MAP7: variants seen among roughly 807,000 people sequenced by gnomAD.
MAP7 encodes the protein ensconsin.
MAP7 carries 52 observed loss-of-function variants against 94.8 expected under a neutral mutation model. The ratio of observed to expected loss-of-function variants is 0.55; its 90% CI spans 0.44 to 0.69. MAP7 has a LOEUF of 0.69. Among genes scored for constraint, MAP7 ranks in the 30% least tolerant of loss-of-function variants. MAP7 has a pLI of 0.00. For synonymous variants in MAP7, 350 were observed against 357.0 expected (o/e 0.98, Z 0.22); for missense variants, 940 against 964.6 (o/e 0.97, Z 0.34).
At chr6:136,459,758 C>T (rs1241283109) in intron 1 of MAP7, among the ~76,000 whole-genome samples, 1 of 151,958 alleles carries the variant, frequency 6.6e-6, no homozygotes, top group Non-Finnish European at 1.5e-5. Flanking sequence ...GGAGAAAATG[C>T]GGAGTTGCTA....
At chr6:136,483,088 T>C (rs1276326661) in intron 1 of MAP7, among the ~76,000 whole-genome samples, 1 of 144,750 alleles carries the variant, frequency 6.9e-6, no homozygotes, top group Non-Finnish European at 1.5e-5. Flanking sequence ...TATATATTTG[T>C]GACCATGCTA....
At chr6:136,498,851 G>A (rs555652373) in intron 1 of MAP7, among the ~76,000 whole-genome samples, 3 of 152,030 alleles carry the variant, frequency 2.0e-5, no homozygotes, top group Admixed American at 1.3e-4. Context: ...AGTAGAAAAG[G>A]CTTCAGTTTG....
chr6:136,477,438 A>T (rs2128955047), intron 1 of MAP7, among the ~76,000 whole-genome samples: 1 of 152,358 alleles, frequency 6.6e-6, no homozygotes, highest in Non-Finnish European at 1.5e-5. Flanking sequence ...TAGAAAAGAT[A>T]TTGGGACAAA....
chr6:136,368,974 G>A (rs1465181062), intron 8 of MAP7, among the ~76,000 whole-genome samples: 2 of 152,140 alleles, frequency 1.3e-5, no homozygotes, highest in African/African-American at 2.4e-5. Context: ...AAAGAACAAA[G>A]TTGGAATTCT....
intron 1 of MAP7, among the ~76,000 whole-genome samples, chr6:136,460,193 T>C (rs183378998): frequency 4.3e-4 from 65 of 152,278 alleles, no homozygotes; most frequent in African/African-American, 1.5e-3. Context: ...CTTCCATGGA[T>C]TTGTATCTAA....
intron 5 of MAP7, among the ~76,000 whole-genome samples, chr6:136,384,560 T>C (rs905707514): frequency 1.3e-5 from 2 of 151,902 alleles, no homozygotes; most frequent in Non-Finnish European, 2.9e-5. Flanking sequence ...CATAGCTCAC[T>C]GCAGCCTCGA....
chr6:136,465,487 C>A (rs998653340), intron 1 of MAP7, among the ~76,000 whole-genome samples: 2 of 152,070 alleles, frequency 1.3e-5, no homozygotes, highest in Non-Finnish European at 2.9e-5. Flanking sequence ...AAGAAAGATA[C>A]GTCTCCATAA....
intron 11 of MAP7, 88 bp downstream of exon 11, chr6:136,362,362 G>GTA: frequency 1.3e-6 from 2 of 1,504,028 alleles, no homozygotes; most frequent in Non-Finnish European, 1.8e-6. Context: ...ACTTTCATCA[G>GTA]TATTATCACC....
intron 1 of MAP7, among the ~76,000 whole-genome samples, chr6:136,454,442 G>A (rs1409971079): frequency 6.6e-6 from 1 of 151,984 alleles, no homozygotes; most frequent in Non-Finnish European, 1.5e-5. Flanking sequence ...AAGTAACTGG[G>A]ACTACAGGCA....
intron 1 of MAP7, among the ~76,000 whole-genome samples, chr6:136,515,856 G>A (rs1226291667): frequency 6.6e-6 from 1 of 152,188 alleles, no homozygotes. Flanking sequence ...GTAGGCACAT[G>A]CTATTGGAAA....
At chr6:136,365,714 C>G in intron 10 of MAP7, 21 bp downstream of exon 10, 3 of 1,608,728 alleles carry the variant, frequency 1.9e-6, no homozygotes, top group Non-Finnish European at 2.6e-6. Context: ...GCACCCAGAC[C>G]ACAGGTGAGT....
intron 1 of MAP7, chr6:136,526,277 GCACACACACA>G (rs61514681): frequency 1.3e-5 from 12 of 936,308 alleles, no homozygotes; most frequent in Non-Finnish European, 1.6e-5. Flanking sequence ...ACACGCGCGC[GCACACACACA>G]CACACACACA....
chr6:136,360,767 G>C lies in MAP7; in HGVS notation c.1733C>G (p.Ala578Gly), dbSNP rs1191630966. Residue 578 changes from alanine to glycine, a missense_variant, in exon 13 of 18, where the codon GCA becomes GGA. Transcript: ENST00000354570. ...CTCTCGTTCCTGCCGGACCCTCTCT[G>C]CTTCTTCACGAACGCGAGCTTCTTC... ...KEEEARVREE[A>G]ERVRQEREKH... The C allele has an allele frequency of 8.7e-6, 14 of 1,613,918 alleles. No homozygotes were observed. Among genetic ancestry groups the C allele is most frequent in the Non-Finnish European group, 1.2e-5 (14 of 1,180,040 alleles).
At chr6:136,489,029 A>G (rs1235242504) in intron 1 of MAP7, among the ~76,000 whole-genome samples, 1 of 152,172 alleles carries the variant, frequency 6.6e-6, no homozygotes, top group African/African-American at 2.4e-5. Context: ...AGCTGAGACT[A>G]CAGAGGTGCC....
At chr6:136,381,033 A>G (rs962864832) in intron 6 of MAP7, among the ~76,000 whole-genome samples, 1 of 152,268 alleles carries the variant, frequency 6.6e-6, no homozygotes, top group Non-Finnish European at 1.5e-5. Flanking sequence ...ATAATGATGT[A>G]TATACCTGCT....
chr6:136,547,535 C>T lies in MAP7; in HGVS notation c.67+2807G>A, dbSNP rs114272388. 7.8e-3 allele frequency among the ~76,000 whole-genome samples: 1,180 copies of T among 152,180 alleles called. 23 individuals carry two copies. The highest frequency in any genetic ancestry group is 0.027 in the African/African-American group (1,104 of 41,512). On this transcript the variant is annotated intron_variant, in intron 1 of 17. Transcript: ENST00000354570. ...CAAAAAAGGCTGAAAAAGGACTTGA[C>T]ATCCTCTAGTGGTGATGTCTTAAAC...
intron 7 of MAP7, among the ~76,000 whole-genome samples, chr6:136,374,934 A>AT (rs1226865760): frequency 1.3e-5 from 2 of 152,162 alleles, no homozygotes; most frequent in Admixed American, 6.5e-5. Context: ...ATATATAGTT[A>AT]TTTTTTCCCA....
chr6:136,357,910 C>T (rs1406178914), intron 15 of MAP7, among the ~76,000 whole-genome samples: 2 of 152,130 alleles, frequency 1.3e-5, no homozygotes, highest in Non-Finnish European at 2.9e-5. Context: ...CAAATCTGCC[C>T]AAATTTGCAA....
chr6:136,435,805 ATAG>A (rs1296118112), intron 1 of MAP7, among the ~76,000 whole-genome samples: 1 of 152,214 alleles, frequency 6.6e-6, no homozygotes, highest in Non-Finnish European at 1.5e-5. Flanking sequence ...TGCTTTAGAA[ATAG>A]TAGAATCTGA....
Sources: gnomAD v4.1 joint callset for allele counts (sites outside exome capture counted in the v4.1 genomes callset) on GRCh38, gnomAD v4.1.1 for gene constraint, MANE v1.5 for transcripts, NCBI Gene and HGNC (gene_info 2026-07-23, HGNC 2026-07-21) for gene names.